B3GALT1: variants seen among roughly 807,000 people sequenced by gnomAD.
B3GALT1 encodes beta-1,3-galactosyltransferase 1, also known as UDP-Gal:betaGlcNAc beta 1,3-galactosyltransferase, polypeptide 1.
A neutral mutation model predicts 23.2 loss-of-function variants in B3GALT1; 10 were observed. The ratio of observed to expected loss-of-function variants is 0.43; its 90% confidence interval spans 0.27 to 0.73. The LOEUF is 0.73. Ranked by LOEUF, B3GALT1 falls within the 30% of genes least tolerant of loss-of-function variation. B3GALT1 has a pLI of 0.21. For synonymous variants in B3GALT1, 156 were observed against 141.5 expected (o/e 1.10, Z -0.73); for missense variants, 299 against 405.4 (o/e 0.74, Z 2.25).
intron 1 of B3GALT1, among the ~76,000 whole-genome samples, chr2:167,466,418 G>C (rs1699345743): frequency 6.6e-6 from 1 of 151,858 alleles, no homozygotes; most frequent in Admixed American, 6.6e-5. Context: ...AGGAGTTCAA[G>C]ACCAGCCTGG....
At chr2:167,633,056 C>A (rs1335300145) in intron 2 of B3GALT1, among the ~76,000 whole-genome samples, 1 of 151,846 alleles carries the variant, frequency 6.6e-6, no homozygotes, top group Non-Finnish European at 1.5e-5. Flanking sequence ...AATAGGGAAT[C>A]CTTTCCCCAT....
chr2:167,453,425 T>G (rs960143323), intron 1 of B3GALT1, among the ~76,000 whole-genome samples: 2 of 152,228 alleles, frequency 1.3e-5, no homozygotes, highest in African/African-American at 2.4e-5. Flanking sequence ...AATCATTTGT[T>G]TTAGTGTCAA....
At chr2:167,794,901 C>T (rs1396460010) in intron 3 of B3GALT1, among the ~76,000 whole-genome samples, 2 of 152,084 alleles carry the variant, frequency 1.3e-5, no homozygotes, top group Non-Finnish European at 1.5e-5. Flanking sequence ...CTCCAGTTAC[C>T]AATATCAAGA....
chr2:167,416,079 A>G (rs1698464885), intron 1 of B3GALT1, among the ~76,000 whole-genome samples: 1 of 152,218 alleles, frequency 6.6e-6, no homozygotes, highest in Non-Finnish European at 1.5e-5. Context: ...GAAACCAAGT[A>G]AGTGGCTGAG....
chr2:167,594,356 G>A (rs1207704517), intron 2 of B3GALT1, among the ~76,000 whole-genome samples: 1 of 151,994 alleles, frequency 6.6e-6, no homozygotes, highest in Non-Finnish European at 1.5e-5. Context: ...ATGTCAGGAT[G>A]GCACCATTAT....
intron 3 of B3GALT1, among the ~76,000 whole-genome samples, chr2:167,690,605 A>G (rs1329328114): frequency 1.3e-5 from 2 of 152,136 alleles, no homozygotes; most frequent in Non-Finnish European, 2.9e-5. Flanking sequence ...TCCATTTTCA[A>G]ACAATTCTGT....
intron 3 of B3GALT1, among the ~76,000 whole-genome samples, chr2:167,776,699 G>C (rs931192655): frequency 2.2e-4 from 34 of 152,162 alleles, no homozygotes; most frequent in African/African-American, 7.9e-4. Flanking sequence ...AGGTCGTCCG[G>C]GTCTATGAAA....
At chr2:167,572,031 A>G (rs1684302343) in intron 2 of B3GALT1, among the ~76,000 whole-genome samples, 1 of 151,860 alleles carries the variant, frequency 6.6e-6, no homozygotes, top group Admixed American at 6.6e-5. Context: ...TCTTATATTG[A>G]TGCAATGTTA....
chr2:167,435,389 A>G (rs2105309498), intron 1 of B3GALT1, among the ~76,000 whole-genome samples: 1 of 148,310 alleles, frequency 6.7e-6, no homozygotes, highest in East Asian at 2.0e-4. Flanking sequence ...GGAAAAAGGG[A>G]AGAAAAGCCT....
At chr2:167,805,964 G>A (rs1437925552) in intron 3 of B3GALT1, among the ~76,000 whole-genome samples, 1 of 151,174 alleles carries the variant, frequency 6.6e-6, no homozygotes, top group Non-Finnish European at 1.5e-5. Flanking sequence ...CCATGAGCAT[G>A]GAATGTTCTT....
At chr2:167,766,988 C>T (rs1394963563) in intron 3 of B3GALT1, among the ~76,000 whole-genome samples, 1 of 152,132 alleles carries the variant, frequency 6.6e-6, no homozygotes, top group Non-Finnish European at 1.5e-5. Context: ...GCTTTGTCTT[C>T]AGGATTGTAC....
chr2:167,369,828 A>G (rs143633482), intron 1 of B3GALT1, among the ~76,000 whole-genome samples: 44 of 152,362 alleles, frequency 2.9e-4, no homozygotes, highest in African/African-American at 1.0e-3. Flanking sequence ...GCAGCATCAC[A>G]TTGAACTAAA....
chr2:167,748,029 T>G (rs1448971489), intron 3 of B3GALT1, among the ~76,000 whole-genome samples: 1 of 152,196 alleles, frequency 6.6e-6, no homozygotes, highest in Non-Finnish European at 1.5e-5. Flanking sequence ...CAAAGTTTAC[T>G]GCCAGCATTC....
intron 2 of B3GALT1, among the ~76,000 whole-genome samples, chr2:167,496,456 TACC>T (rs1699784723): frequency 6.6e-6 from 1 of 152,166 alleles, no homozygotes; most frequent in Admixed American, 6.5e-5. Flanking sequence ...ATTGGCTAAT[TACC>T]GTGAGAAGAA....
chr2:167,520,350 C>T (rs376695956), intron 2 of B3GALT1, among the ~76,000 whole-genome samples: 2 of 152,004 alleles, frequency 1.3e-5, no homozygotes, highest in Admixed American at 6.6e-5. Flanking sequence ...TCAGAAGAAG[C>T]CAAATCAGGA....
chr2:167,593,629 A>G (rs1020230292), intron 2 of B3GALT1, among the ~76,000 whole-genome samples: 2 of 152,206 alleles, frequency 1.3e-5, no homozygotes, highest in Non-Finnish European at 2.9e-5. Flanking sequence ...TATAATAAAT[A>G]AAATTACTGA....
chr2:167,399,510 C>A (rs1012842163), intron 1 of B3GALT1, among the ~76,000 whole-genome samples: 3 of 152,068 alleles, frequency 2.0e-5, no homozygotes, highest in African/African-American at 7.2e-5. Flanking sequence ...CTTTTACATC[C>A]AGTGATTTAA....
intron 3 of B3GALT1, chr2:167,715,181 A>C (rs2105522080): frequency 6.2e-7 from 1 of 1,613,942 alleles, no homozygotes; most frequent in African/African-American, 1.3e-5. Context: ...TTGACTGTTC[A>C]CTTCTAATTC....
chr2:167,625,785 G>A (rs1685330786), intron 2 of B3GALT1, among the ~76,000 whole-genome samples: 1 of 150,850 alleles, frequency 6.6e-6, no homozygotes. Flanking sequence ...TTTATGTAAT[G>A]ATTGTCCATT....
Sources: allele counts gnomAD v4.1 joint callset (sites outside exome capture counted in the v4.1 genomes callset), GRCh38; gene constraint gnomAD v4.1.1; transcripts MANE v1.5; gene names NCBI Gene and HGNC (gene_info 2026-07-23, HGNC 2026-07-21).